STK24: variants seen among roughly 807,000 people sequenced by gnomAD.
STK24 encodes serine/threonine kinase 24.
A neutral mutation model predicts 55.6 loss-of-function variants in STK24; 21 were observed. That is an observed-to-expected ratio of 0.38 (90% CI 0.27 to 0.54). The LOEUF is 0.54. Among genes scored for constraint, STK24 ranks in the 20% least tolerant of loss-of-function variants. The probability of loss-of-function intolerance (pLI) is 0.79; values close to 1 mark genes in which losing one functional copy is unlikely to be tolerated. For synonymous variants in STK24, 200 were observed against 215.2 expected (o/e 0.93, Z 0.62); for missense variants, 383 against 538.4 (o/e 0.71, Z 2.86).
At chr13:98,571,071 T>C (rs1429613894) in intron 1 of STK24, among the ~76,000 whole-genome samples, 1 of 152,152 alleles carries the variant, frequency 6.6e-6, no homozygotes, top group Non-Finnish European at 1.5e-5. Context: ...CTCTGAATCA[T>C]CGGGAGTAAT....
intron 9 of STK24, among the ~76,000 whole-genome samples, chr13:98,458,441 C>T (rs1893556985): frequency 6.6e-6 from 1 of 152,190 alleles, no homozygotes; most frequent in African/African-American, 2.4e-5. Flanking sequence ...GCAACGGCTT[C>T]TCTCTTCGCT....
At chr13:98,538,278 T>A (rs1339334822) in intron 1 of STK24, among the ~76,000 whole-genome samples, 1 of 140,420 alleles carries the variant, frequency 7.1e-6, no homozygotes, top group Non-Finnish European at 1.5e-5. Context: ...CAGGCTTGAG[T>A]ACGGTGGCAT....
chr13:98,474,872 G>T lies in STK24; in HGVS notation c.546C>A (p.Thr182=). The T allele has an allele frequency of 6.2e-7, 1 of 1,614,100 alleles. No individual in the cohort carries two copies. The highest frequency in any genetic ancestry group is 8.5e-7 in the Non-Finnish European group (1 of 1,179,990). ...TGACCTCGGGTGCCATCCAGAATGG[G>T]GTGCCCACGAAGGTGTTCCTTTTGA... ...TQIKRNTFVG[T]PFWMAPEVIK... is the part of the protein sequence containing the mutation. Residue 182 remains threonine, a synonymous_variant, in exon 5 of 11, where the codon ACC becomes ACA. Coordinates refer to ENST00000539966, the MANE Select transcript of STK24 (RefSeq NM_001032296.4).
At chr13:98,517,875 T>C (rs1896122149) in intron 2 of STK24, among the ~76,000 whole-genome samples, 1 of 152,234 alleles carries the variant, frequency 6.6e-6, no homozygotes, top group African/African-American at 2.4e-5. Flanking sequence ...AGATGAGGTA[T>C]GAATAAATGC....
intron 2 of STK24, among the ~76,000 whole-genome samples, chr13:98,518,443 C>G (rs1382641913): frequency 2.0e-5 from 3 of 152,152 alleles, no homozygotes; most frequent in African/African-American, 4.8e-5. Flanking sequence ...GTTCTGTATT[C>G]CACAATAATT....
intron 2 of STK24, among the ~76,000 whole-genome samples, chr13:98,517,797 G>A (rs908297984): frequency 4.6e-5 from 7 of 152,114 alleles, no homozygotes; most frequent in African/African-American, 1.2e-4. Flanking sequence ...GGTTTCCTTG[G>A]TTTGACCTCA....
intron 9 of STK24, among the ~76,000 whole-genome samples, chr13:98,460,168 C>A (rs184650080): frequency 3.6e-4 from 55 of 151,704 alleles, no homozygotes; most frequent in African/African-American, 1.3e-3. Context: ...ACATTCCAGG[C>A]TGCGGCGGAG....
intron 2 of STK24, among the ~76,000 whole-genome samples, chr13:98,502,845 C>T (rs1895527555): frequency 6.6e-6 from 1 of 152,074 alleles, no homozygotes; most frequent in Non-Finnish European, 1.5e-5. Context: ...AAATATGCTA[C>T]TAGAGGGAGA....
intron 1 of STK24, among the ~76,000 whole-genome samples, chr13:98,557,491 C>G (rs1490957480): frequency 6.6e-6 from 1 of 152,236 alleles, no homozygotes; most frequent in East Asian, 1.9e-4. Flanking sequence ...AGCTCCCTCC[C>G]TCAAATCCCT....
At chr13:98,542,998 C>G in intron 1 of STK24, 1 of 985,344 alleles carries the variant, frequency 1.0e-6, no homozygotes, top group Non-Finnish European at 1.2e-6. Flanking sequence ...AAAACAGCAG[C>G]CAGCTAGCGT....
At chr13:98,467,316 C>T (rs1008759334) in intron 5 of STK24, among the ~76,000 whole-genome samples, 1 of 152,058 alleles carries the variant, frequency 6.6e-6, no homozygotes, top group Non-Finnish European at 1.5e-5. Flanking sequence ...CGAGTATTTC[C>T]GTGTGCCAAT....
chr13:98,543,075 G>T (rs1035584830), intron 1 of STK24: 2 of 966,994 alleles, frequency 2.1e-6, no homozygotes, highest in Non-Finnish European at 2.5e-6. Flanking sequence ...CCAAGGGAGG[G>T]GGGAGAGGCC....
chr13:98,469,274 C>G (rs1487531141), intron 5 of STK24, among the ~76,000 whole-genome samples: 3 of 152,182 alleles, frequency 2.0e-5, no homozygotes, highest in African/African-American at 7.2e-5. Flanking sequence ...GGGGGCCAGG[C>G]GCGGTGGCTC....
At chr13:98,518,695 G>T (rs1366096725) in intron 2 of STK24, among the ~76,000 whole-genome samples, 2 of 152,178 alleles carry the variant, frequency 1.3e-5, no homozygotes, top group African/African-American at 4.8e-5. Flanking sequence ...AGAACAGAGT[G>T]GCAGTGCAGG....
At chr13:98,534,381 C>G (rs1390803785) in intron 1 of STK24, among the ~76,000 whole-genome samples, 1 of 152,198 alleles carries the variant, frequency 6.6e-6, no homozygotes, top group Non-Finnish European at 1.5e-5. Context: ...CATTCCTGGG[C>G]ATGGGCTGAA....
At position 98,446,138 on chromosome 13, in the gene STK24, G is replaced by A. The variant is rs769358579; in HGVS notation, c.*7035C>T. The stretch of plus-strand genomic sequence containing the variant: ...AACCTGCTGAGGAAATTCAAAAACA[G>A]CAACGGGTGGCAGAAGCTGTGGGTG... On this transcript the variant is annotated 3_prime_UTR_variant, in exon 11 of 11. Coordinates refer to ENST00000539966, the MANE Select transcript of STK24 (RefSeq NM_001032296.4). 11 of 1,613,976 alleles carry A rather than the reference G, an allele frequency of 6.8e-6. No homozygotes were observed. The highest frequency in any genetic ancestry group is 6.7e-5 in the Admixed American group (4 of 59,998).
intron 1 of STK24, among the ~76,000 whole-genome samples, chr13:98,524,727 T>C (rs1896373120): frequency 1.3e-5 from 2 of 152,230 alleles, no homozygotes; most frequent in South Asian, 2.1e-4. Flanking sequence ...AAAGTGTCTA[T>C]GGGGTGTCAG....
At chr13:98,570,585 C>T (rs1445106333) in intron 1 of STK24, among the ~76,000 whole-genome samples, 4 of 152,174 alleles carry the variant, frequency 2.6e-5, no homozygotes, top group African/African-American at 9.7e-5. Flanking sequence ...GAAGAACCCT[C>T]AAGAAACACA....
chr13:98,576,577 G>T (rs1897900070), intron 1 of STK24, among the ~76,000 whole-genome samples, 168 bp downstream of exon 1: 1 of 151,866 alleles, frequency 6.6e-6, no homozygotes. Flanking sequence ...AGCCGGCAGG[G>T]ACGCCCAGGG....
Sources: gnomAD v4.1 joint callset for allele counts (sites outside exome capture counted in the v4.1 genomes callset) on GRCh38, gnomAD v4.1.1 for gene constraint, MANE v1.5 for transcripts, NCBI Gene and HGNC (gene_info 2026-07-23, HGNC 2026-07-21) for gene names.